Variants in PLEKHG1 observed in about 807,000 individuals in gnomAD.
PLEKHG1 encodes the protein pleckstrin homology and RhoGEF domain containing G1.
Under a neutral mutation model 100.8 loss-of-function variants are expected in PLEKHG1, and 44 were observed. The observed-to-expected ratio is 0.44, with a 90% CI of 0.34 to 0.56. The LOEUF (loss-of-function observed/expected upper bound fraction) is 0.56, where lower values mean the gene tolerates loss of function less well. Ranked by LOEUF, PLEKHG1 falls within the 20% of genes least tolerant of loss-of-function variation. The pLI, the probability that PLEKHG1 is intolerant of heterozygous loss-of-function variation, is 0.01. For missense variants in PLEKHG1, 1,545 were observed against 1,720.9 expected, an observed-to-expected ratio of 0.90 and a Z score of 1.81; for synonymous variants, 640 against 662.5, an observed-to-expected ratio of 0.97 and a Z score of 0.52.
At chr6:150,779,343 A>AATTTTTTTTTTTTT (rs1785166351) in intron 3 of PLEKHG1, among the ~76,000 whole-genome samples, 1 of 88,562 alleles carries the variant, frequency 1.1e-5, no homozygotes, top group African/African-American at 8.6e-5. Flanking sequence ...ATTGTCAAGA[A>AATTTTTTTTTTTTT]GTTTTTTTTT....
intron 3 of PLEKHG1, among the ~76,000 whole-genome samples, chr6:150,655,655 C>G (rs1247549034): frequency 7.4e-6 from 1 of 135,812 alleles, no homozygotes; most frequent in African/African-American, 2.8e-5. Flanking sequence ...TTGCAGTGAG[C>G]TGAGATTGTG....
chr6:150,798,539 A>G (rs1786494511), intron 5 of PLEKHG1, among the ~76,000 whole-genome samples: 1 of 152,202 alleles, frequency 6.6e-6, no homozygotes, highest in Non-Finnish European at 1.5e-5. Flanking sequence ...TTCATGGAGC[A>G]CCGTCCCAAG....
At chr6:150,652,875 T>C (rs1008195831) in intron 3 of PLEKHG1, among the ~76,000 whole-genome samples, 2 of 152,206 alleles carry the variant, frequency 1.3e-5, no homozygotes, top group Non-Finnish European at 2.9e-5. Flanking sequence ...TAATGCTTTA[T>C]TGGAGACATA....
At position 150,737,615 on chromosome 6, in the gene PLEKHG1, A is replaced by G. The variant is rs189636747; in HGVS notation, c.411+3523A>G. 2.9e-3 allele frequency among the ~76,000 whole-genome samples: 447 copies of G among 152,264 alleles called. 4 individuals are homozygous for G. The highest frequency in any genetic ancestry group is 0.01 in the African/African-American group (426 of 41,562). Reference sequence around the variant, plus strand: ...CCTGGGTATTCTTTTAAAACATAGAATATCAACTCCTTTAAAATCTGTTTC... The same window carrying G: ...CCTGGGTATTCTTTTAAAACATAGAGTATCAACTCCTTTAAAATCTGTTTC... On this transcript the variant is annotated intron_variant, in intron 2 of 15. Transcript: ENST00000358517.
chr6:150,661,281 A>G (rs915640486), intron 3 of PLEKHG1, among the ~76,000 whole-genome samples: 1 of 152,218 alleles, frequency 6.6e-6, no homozygotes, highest in African/African-American at 2.4e-5. Flanking sequence ...AATCTTCAAA[A>G]AGTTTTTAAG....
chr6:150,825,649 C>T (rs1309449742), intron 14 of PLEKHG1, among the ~76,000 whole-genome samples: 2 of 152,102 alleles, frequency 1.3e-5, no homozygotes, highest in Non-Finnish European at 2.9e-5. Flanking sequence ...AATATATATT[C>T]TGAGGCTGCG....
chr6:150,657,166 G>T (rs1275562743), intron 3 of PLEKHG1, among the ~76,000 whole-genome samples: 1 of 152,030 alleles, frequency 6.6e-6, no homozygotes, highest in African/African-American at 2.4e-5. Flanking sequence ...TAGGCAACAC[G>T]TGGTTCAAGG....
intron 1 of PLEKHG1, chr6:150,633,052 G>C (rs1777826835): frequency 6.6e-6 from 1 of 152,238 alleles, no homozygotes; most frequent in African/African-American, 2.4e-5. Flanking sequence ...TAAGCTGAAA[G>C]CACACTTTAC....
chr6:150,665,400 G>A (rs1440999031), intron 3 of PLEKHG1, among the ~76,000 whole-genome samples: 1 of 152,166 alleles, frequency 6.6e-6, no homozygotes, highest in Non-Finnish European at 1.5e-5. Context: ...GGAGGCCGAG[G>A]CAGGTAGATC....
rs183727095 is a variant in PLEKHG1, at chr6:150,827,104, A to G, written c.1470+3428A>G. ...GATGGGGTGTCTCACCATGTTGCCCAGGCTGGTCTCTAGTTTCTGGGCTCA... is the reference window on the plus strand; with the variant it reads ...GATGGGGTGTCTCACCATGTTGCCCGGGCTGGTCTCTAGTTTCTGGGCTCA... On this transcript the variant is annotated intron_variant, in intron 14 of 15. Transcript: ENST00000358517. Among the ~76,000 whole-genome samples the G allele has an allele frequency of 2.0e-3, 295 of 147,448 alleles. 1 individual carries two copies. The highest frequency in any genetic ancestry group is 7.1e-3 in the African/African-American group (281 of 39,664).
intron 2 of PLEKHG1, among the ~76,000 whole-genome samples, chr6:150,650,501 T>C (rs540877388): frequency 6.6e-6 from 1 of 152,366 alleles, no homozygotes; most frequent in African/African-American, 2.4e-5. Flanking sequence ...CCACATCCTG[T>C]GAATTTTTTC....
rs71014517 is a variant in PLEKHG1, at chr6:150,706,998, CTTTT to C, written c.-98-26566_-98-26563del. 1.7e-3 allele frequency among the ~76,000 whole-genome samples: 86 copies of C among 51,924 alleles called. 1 individual carries two copies. Among genetic ancestry groups the C allele is most frequent in the African/African-American group, 6.1e-3 (78 of 12,872 alleles). 34.1% of individuals were successfully genotyped at this position (51,924 alleles called of 152,430 possible). A position where few individuals can be genotyped will look rare whatever the true frequency, so the allele number is the denominator to read the frequency against. On this transcript the variant is annotated intron_variant, in intron 3 of 3. Coordinates refer to the PLEKHG1 transcript ENST00000367326. ...TTTCTTTTCTTTTCTTTTTCTTTTT[CTTTT>C]TTTTTTTTTTTTTTTTTTTAAGATG...
intron 3 of PLEKHG1, among the ~76,000 whole-genome samples, chr6:150,667,169 T>C (rs1397752406): frequency 2.0e-5 from 3 of 152,322 alleles, no homozygotes; most frequent in African/African-American, 7.2e-5. Flanking sequence ...AAACTGGGCC[T>C]GTCTAAACAT....
chr6:150,636,477 CT>C (rs772492111), intron 1 of PLEKHG1, among the ~76,000 whole-genome samples: 62 of 54,942 alleles, frequency 1.1e-3, no homozygotes, highest in East Asian at 9.3e-3. Flanking sequence ...CAGTTGGTCC[CT>C]TTTTTTTTTC....
chr6:150,730,232 G>C (rs74358788), intron 1 of PLEKHG1, among the ~76,000 whole-genome samples: 1,702 of 151,072 alleles, frequency 0.011, 32 homozygotes, highest in African/African-American at 0.038. Flanking sequence ...ATCTGTAGGG[G>C]GTAGACCTTT....
chr6:150,825,061 A>T (rs1461567272), intron 14 of PLEKHG1, among the ~76,000 whole-genome samples: 2 of 152,152 alleles, frequency 1.3e-5, no homozygotes, highest in Non-Finnish European at 2.9e-5. Context: ...AAAAGAAGGA[A>T]TCTCCCCATC....
intron 1 of PLEKHG1, among the ~76,000 whole-genome samples, chr6:150,604,753 A>G (rs1776517976): frequency 6.6e-6 from 1 of 152,248 alleles, no homozygotes; most frequent in Non-Finnish European, 1.5e-5. Flanking sequence ...TGACATAGAA[A>G]TGGCAGTGCC....
At chr6:150,658,188 T>C (rs1779043406) in intron 3 of PLEKHG1, among the ~76,000 whole-genome samples, 1 of 152,202 alleles carries the variant, frequency 6.6e-6, no homozygotes, top group East Asian at 1.9e-4. Context: ...CTGTGTTTTA[T>C]TGCATTATAC....
chr6:150,663,917 A>G (rs1297742954), intron 3 of PLEKHG1: 1 of 152,074 alleles, frequency 6.6e-6, no homozygotes, highest in African/African-American at 2.4e-5. Context: ...CCCACTCTCC[A>G]TCTCCAGGTT....
Sources: allele counts gnomAD v4.1 joint callset (sites outside exome capture counted in the v4.1 genomes callset), GRCh38; gene constraint gnomAD v4.1.1; transcripts MANE v1.5; gene names NCBI Gene and HGNC (gene_info 2026-07-23, HGNC 2026-07-21).